SLC16A7: variants seen among roughly 807,000 people sequenced by gnomAD.
SLC16A7 encodes the protein monocarboxylate transporter 2.
In SLC16A7, 33 loss-of-function variants were observed where a neutral mutation model predicts 34.9. The observed-to-expected ratio is 0.94, with a 90% CI of 0.72 to 1.26. The LOEUF is 1.26. Ranked by LOEUF, SLC16A7 falls within the 50% of genes most tolerant of loss-of-function variation. The probability of loss-of-function intolerance (pLI) is 0.00; values close to 1 mark genes in which losing one functional copy is unlikely to be tolerated. For missense variants in SLC16A7, 573 were observed against 578.1 expected (o/e 0.99, Z 0.09); for synonymous variants, 201 against 206.6 (o/e 0.97, Z 0.23).
At chr12:59,755,059 A>G (rs373610388) in intron 3 of SLC16A7, among the ~76,000 whole-genome samples, 3 of 152,132 alleles carry the variant, frequency 2.0e-5, no homozygotes, top group South Asian at 4.1e-4. Flanking sequence ...ATTCAACAAC[A>G]CTTCATGCTA....
At chr12:59,643,192 G>C (rs1026754771) in intron 1 of SLC16A7, among the ~76,000 whole-genome samples, 2 of 152,094 alleles carry the variant, frequency 1.3e-5, no homozygotes, top group African/African-American at 4.8e-5. Context: ...ACATTTTACA[G>C]ATGAGGAAAC....
chr12:59,746,821 A>G (rs967659608), intron 3 of SLC16A7, among the ~76,000 whole-genome samples: 1 of 152,068 alleles, frequency 6.6e-6, no homozygotes, highest in Non-Finnish European at 1.5e-5. Flanking sequence ...GTGTTTTTTT[A>G]CTGTTGTTTG....
intron 1 of SLC16A7, among the ~76,000 whole-genome samples, chr12:59,617,451 C>G (rs1219224691): frequency 6.6e-6 from 1 of 151,752 alleles, no homozygotes; most frequent in Admixed American, 6.6e-5. Context: ...GGAAACATTG[C>G]CTTAAGGAAA....
chr12:59,771,462 A>C (rs1882219264), intron 4 of SLC16A7, 100 bp downstream of exon 4: 1 of 862,538 alleles, frequency 1.2e-6, no homozygotes, highest in East Asian at 3.0e-5. Context: ...CTTTGAATTT[A>C]TTTTTTTATA....
chr12:59,753,201 C>A (rs535447875), intron 3 of SLC16A7, among the ~76,000 whole-genome samples: 1 of 152,082 alleles, frequency 6.6e-6, no homozygotes, highest in Admixed American at 6.6e-5. Flanking sequence ...CATCAACTAA[C>A]GAGCAAAATA....
At chr12:59,759,086 C>T (rs11173133) in intron 3 of SLC16A7, among the ~76,000 whole-genome samples, 37,779 of 151,666 alleles carry the variant, frequency 0.25, 4,770 homozygotes, top group East Asian at 0.31. Context: ...ACTACATATA[C>T]TAATCTAATC....
intron 3 of SLC16A7, among the ~76,000 whole-genome samples, chr12:59,722,527 G>T (rs1008867396): frequency 2.6e-5 from 4 of 151,780 alleles, no homozygotes; most frequent in African/African-American, 9.7e-5. Flanking sequence ...CCTGTCTTCT[G>T]TTATCCTCCC....
chr12:59,618,647 CTTAA>C (rs1879564413), intron 1 of SLC16A7, among the ~76,000 whole-genome samples: 1 of 151,914 alleles, frequency 6.6e-6, no homozygotes, highest in Admixed American at 6.6e-5. Context: ...AGTTTGTAGT[CTTAA>C]TTGTTTGTTA....
rs560119013 is a variant in SLC16A7 at position 59,722,389 on chromosome 12, T to G, written c.217+17371T>G. On this transcript the variant is annotated intron_variant, in intron 3 of 5. Coordinates refer to ENST00000547379, the MANE Select transcript of SLC16A7 (RefSeq NM_001270623.2). Reference sequence around the variant, plus strand: ...CTAGATTATCTTTGTAGTCTATGATTTGGTGTTCCTGTTTCTGAATATACC... The same window carrying G: ...CTAGATTATCTTTGTAGTCTATGATGTGGTGTTCCTGTTTCTGAATATACC... Among the ~76,000 whole-genome samples, 6 of 152,034 alleles carry G rather than the reference T, an allele frequency of 3.9e-5. No homozygotes were observed. The South Asian group carries it at 1.2e-3, about 32-fold the overall frequency.
chr12:59,725,916 T>C (rs950635226), intron 3 of SLC16A7, among the ~76,000 whole-genome samples: 6 of 152,172 alleles, frequency 3.9e-5, no homozygotes, highest in Non-Finnish European at 8.8e-5. Flanking sequence ...TGGCACTGTT[T>C]ACAGCATAAC....
chr12:59,740,794 C>T (rs7978598), intron 3 of SLC16A7, among the ~76,000 whole-genome samples: 65,820 of 151,740 alleles, frequency 0.43, 16,350 homozygotes, highest in African/African-American at 0.69. Flanking sequence ...GATGACATGA[C>T]TGTATATCTA....
intron 4 of SLC16A7, 113 bp downstream of exon 4, chr12:59,771,475 C>A: frequency 1.4e-6 from 1 of 739,088 alleles, no homozygotes; most frequent in Non-Finnish European, 2.0e-6. Flanking sequence ...TTTTTATAAA[C>A]AATGCAGTTT....
intron 1 of SLC16A7, among the ~76,000 whole-genome samples, chr12:59,601,339 G>A (rs1470351681): frequency 6.6e-6 from 1 of 152,058 alleles, no homozygotes; most frequent in Non-Finnish European, 1.5e-5. Flanking sequence ...AACTAGATTA[G>A]ATAAGAATAA....
chr12:59,691,476 CA>C (rs925799609), intron 2 of SLC16A7, among the ~76,000 whole-genome samples: 1 of 151,996 alleles, frequency 6.6e-6, no homozygotes, highest in Non-Finnish European at 1.5e-5. Context: ...TAGTCAAGAA[CA>C]AAATTACTTT....
intron 2 of SLC16A7, among the ~76,000 whole-genome samples, chr12:59,661,398 A>G (rs1025841348): frequency 1.3e-5 from 2 of 152,106 alleles, no homozygotes; most frequent in African/African-American, 2.4e-5. Flanking sequence ...GCTGACTCTG[A>G]GACTTTGAGC....
intron 3 of SLC16A7, chr12:59,761,044 C>T (rs2137388613): frequency 1.8e-6 from 1 of 562,418 alleles, no homozygotes; most frequent in South Asian, 1.7e-5. Flanking sequence ...TCTTCAAATA[C>T]TTTAAATATT....
At position 59,748,498 on chromosome 12, in the gene SLC16A7, G is replaced by A. The variant is rs145646074; in HGVS notation, c.218-22721G>A. Among the ~76,000 whole-genome samples the A allele has an allele frequency of 9.1e-4, 138 of 152,086 alleles. 2 individuals carry two copies. The highest frequency in any genetic ancestry group is 3.4e-3 in the Middle Eastern group (1 of 294). On this transcript the variant is annotated intron_variant, in intron 3 of 5. Coordinates refer to ENST00000547379, the MANE Select transcript of SLC16A7 (RefSeq NM_001270623.2). ...TAGTAAATTATCACAATAAAAAATG[G>A]GCTCTCAGAGTTCTTGCATATTTTG...
At chr12:59,740,985 C>T (rs1449678246) in intron 3 of SLC16A7, among the ~76,000 whole-genome samples, 1 of 152,040 alleles carries the variant, frequency 6.6e-6, no homozygotes, top group African/African-American at 2.4e-5. Flanking sequence ...AATAAAATAC[C>T]TAGGAATCCA....
chr12:59,631,579 A>T, intron 1 of SLC16A7, among the ~76,000 whole-genome samples: 1 of 151,994 alleles, frequency 6.6e-6, no homozygotes, highest in East Asian at 1.9e-4. Context: ...CATGTGCAGG[A>T]TGTGCAAATT....
Sources: gnomAD v4.1 joint callset for allele counts (sites outside exome capture counted in the v4.1 genomes callset) on GRCh38, gnomAD v4.1.1 for gene constraint, MANE v1.5 for transcripts, NCBI Gene and HGNC (gene_info 2026-07-23, HGNC 2026-07-21) for gene names.